DENND1B: variants seen among roughly 807,000 people sequenced by gnomAD.
DENND1B encodes the protein DENN domain-containing protein 1B.
Under a neutral mutation model 90.1 loss-of-function variants are expected in DENND1B, and 59 were observed. The ratio of observed to expected loss-of-function variants is 0.65; its 90% confidence interval spans 0.53 to 0.81. The LOEUF (loss-of-function observed/expected upper bound fraction) is 0.81. DENND1B is among the 40% of genes least tolerant of loss of function. The pLI, the probability that DENND1B is intolerant of heterozygous loss-of-function variation, is 0.00. For missense variants in DENND1B, 862 were observed against 912.6 expected, an observed-to-expected ratio of 0.94 and a Z score of 0.71; for synonymous variants, 337 against 324.6, an observed-to-expected ratio of 1.04 and a Z score of -0.41.
Position 197,575,788 on chromosome 1 carries a change from T to C in DENND1B, c.1149+7364A>G, listed in dbSNP as rs184167760. On this transcript the variant is annotated intron_variant, in intron 15 of 22. Coordinates refer to ENST00000620048, the MANE Select transcript of DENND1B (RefSeq NM_001195215.2). ...TGAGTTCATGTCCTTTGCAGGGACA[T>C]GGATGAAGCTGGAAACCATCACTCT... Among the ~76,000 whole-genome samples, 17 of 152,284 alleles carry C rather than the reference T, an allele frequency of 1.1e-4. No homozygotes were observed. In the East Asian group the frequency reaches 3.3e-3, roughly 29 times the overall value.
intron 18 of DENND1B, among the ~76,000 whole-genome samples, chr1:197,542,421 T>C (rs1670401823): frequency 6.6e-6 from 1 of 152,154 alleles, no homozygotes; most frequent in Non-Finnish European, 1.5e-5. Flanking sequence ...TGTAGTATGT[T>C]CAAAGTGCAG....
chr1:197,690,495 G>T, intron 3 of DENND1B: 1 of 169,520 alleles, frequency 5.9e-6, no homozygotes, highest in South Asian at 1.4e-4. Flanking sequence ...GAGCTTCTCT[G>T]ACCATCTCCC....
At chr1:197,735,768 A>C (rs1234011257) in intron 2 of DENND1B, 1 of 1,611,590 alleles carries the variant, frequency 6.2e-7, no homozygotes, top group African/African-American at 1.3e-5. Flanking sequence ...TTCCAGGGGG[A>C]ATCCTCGGCA....
chr1:197,642,376 A>T (rs535230455), intron 10 of DENND1B, among the ~76,000 whole-genome samples: 1 of 152,310 alleles, frequency 6.6e-6, no homozygotes, highest in South Asian at 2.1e-4. Flanking sequence ...GCTCCAATGG[A>T]AAAAGCCACA....
intron 2 of DENND1B, among the ~76,000 whole-genome samples, chr1:197,762,756 C>T (rs918673498): frequency 2.6e-5 from 4 of 152,094 alleles, no homozygotes; most frequent in East Asian, 1.9e-4. Context: ...TCTGTGTATC[C>T]GAGCATTTAA....
chr1:197,734,791 A>G, intron 2 of DENND1B: 2 of 983,636 alleles, frequency 2.0e-6, no homozygotes, highest in Non-Finnish European at 2.4e-6. Context: ...TAGGAGAAAC[A>G]TAAATATGCT....
At chr1:197,592,574 T>C (rs1675332284) in intron 14 of DENND1B, among the ~76,000 whole-genome samples, 1 of 152,088 alleles carries the variant, frequency 6.6e-6, no homozygotes, top group Non-Finnish European at 1.5e-5. Flanking sequence ...AGACGGCTAT[T>C]AAAAGTGAGG....
chr1:197,756,366 G>A (rs1006346889), intron 2 of DENND1B, among the ~76,000 whole-genome samples: 1 of 152,068 alleles, frequency 6.6e-6, no homozygotes, highest in East Asian at 1.9e-4. Context: ...CTTGAGGTCA[G>A]GAGTTCAAGA....
rs759736407 is a variant in DENND1B at position 197,513,754 on chromosome 1, A to G, written c.1516-801T>C. On this transcript the variant is annotated intron_variant, in intron 20 of 22. Coordinates refer to ENST00000620048, the MANE Select transcript of DENND1B (RefSeq NM_001195215.2). Reference sequence around the variant, plus strand: ...TTTTAGTACGTTTCTTTGGACCAGAATCCCAACAAAGTTAACATTGTATTT... The same window carrying G: ...TTTTAGTACGTTTCTTTGGACCAGAGTCCCAACAAAGTTAACATTGTATTT... Among the ~76,000 whole-genome samples the G allele has an allele frequency of 7.9e-5, 12 of 151,634 alleles. No individual in the cohort carries two copies. The East Asian group carries it at 2.1e-3, about 27-fold the overall frequency.
intron 2 of DENND1B, among the ~76,000 whole-genome samples, chr1:197,751,870 A>AAGGAGG (rs925223696): frequency 7.1e-6 from 1 of 141,722 alleles, no homozygotes; most frequent in Non-Finnish European, 1.5e-5. Flanking sequence ...GCAGGGGAAG[A>AAGGAGG]AGGAGGAGGA....
intron 13 of DENND1B, chr1:197,606,757 C>A (rs1213810239): frequency 1.0e-5 from 2 of 194,174 alleles, no homozygotes; most frequent in African/African-American, 4.7e-5. Context: ...ACTAGGCAGA[C>A]AGAAATGCCT....
At chr1:197,574,605 T>C (rs1673486153) in intron 15 of DENND1B, among the ~76,000 whole-genome samples, 1 of 152,074 alleles carries the variant, frequency 6.6e-6, no homozygotes, top group Admixed American at 6.5e-5. Context: ...AAAGTTCATA[T>C]GGAACCAAAA....
At chr1:197,546,651 T>A in intron 17 of DENND1B, 82 bp downstream of exon 17, 1 of 1,100,810 alleles carries the variant, frequency 9.1e-7, no homozygotes, top group African/African-American at 1.6e-5. Flanking sequence ...ATAAACAGCA[T>A]AAGTATAAAC....
chr1:197,552,680 C>G (rs10922251), intron 16 of DENND1B: 193,992 of 1,046,950 alleles, frequency 0.19, 18,933 homozygotes, highest in Non-Finnish European at 0.2. Context: ...CAGTAATAAC[C>G]ATCACTAGTA....
chr1:197,672,600 C>G (rs1398653572), intron 4 of DENND1B, among the ~76,000 whole-genome samples: 2 of 151,968 alleles, frequency 1.3e-5, no homozygotes, highest in Non-Finnish European at 2.9e-5. Context: ...CAGCCACCAC[C>G]AACTCTGTTT....
At chr1:197,595,427 G>A in intron 13 of DENND1B, 94 bp from the exon 14 acceptor site, 4 of 1,471,894 alleles carry the variant, frequency 2.7e-6, no homozygotes, top group Non-Finnish European at 3.6e-6. Context: ...GTGTCTGTAG[G>A]TCAGCCAAAA....
At chr1:197,772,567 A>G (rs1380639659) in intron 2 of DENND1B, among the ~76,000 whole-genome samples, 2 of 152,246 alleles carry the variant, frequency 1.3e-5, no homozygotes, top group African/African-American at 4.8e-5. Context: ...TCACGCCTGT[A>G]ATCCCAACAA....
chr1:197,614,460 T>G (rs1677458802), intron 11 of DENND1B, among the ~76,000 whole-genome samples: 1 of 150,950 alleles, frequency 6.6e-6, no homozygotes, highest in Non-Finnish European at 1.5e-5. Flanking sequence ...GCCTTAAATT[T>G]CCTAATTAGA....
chr1:197,744,515 CAGT>C (rs1558470825), intron 2 of DENND1B, among the ~76,000 whole-genome samples: 1 of 152,094 alleles, frequency 6.6e-6, no homozygotes, highest in African/African-American at 2.4e-5. Context: ...TTTTTCTAAG[CAGT>C]AGGTCTTAAC....
Sources: gnomAD v4.1 joint callset for allele counts (sites outside exome capture counted in the v4.1 genomes callset) on GRCh38, gnomAD v4.1.1 for gene constraint, MANE v1.5 for transcripts, NCBI Gene and HGNC (gene_info 2026-07-23, HGNC 2026-07-21) for gene names.